CASZ1: variants seen among roughly 807,000 people sequenced by gnomAD.
The protein encoded by CASZ1 is zinc finger protein castor homolog 1.
Under a neutral mutation model 135.2 loss-of-function variants are expected in CASZ1, and 28 were observed. The observed-to-expected ratio is 0.21, with a 90% CI of 0.15 to 0.28. CASZ1 has a LOEUF of 0.28. CASZ1 is among the 10% of genes least tolerant of loss of function. The pLI is 1.00. For synonymous variants in CASZ1, 1,068 were observed against 1,073.4 expected (o/e 0.99, Z 0.10); for missense variants, 2,161 against 2,453.3 (o/e 0.88, Z 2.52).
rs895541677 is a variant in CASZ1, at chr1:10,701,284, C to T, written c.-24+4208G>A. 1.3e-5 allele frequency among the ~76,000 whole-genome samples: 2 copies of T among 152,140 alleles called. No individual in the cohort carries two copies. Among genetic ancestry groups the T allele is most frequent in the South Asian group, 2.1e-4 (1 of 4,828 alleles). On this transcript the variant is annotated intron_variant, in intron 3 of 20. Transcript: ENST00000377022. This position sits in a 1 kb window ranked among gnomAD's most constrained non-coding sequence, Gnocchi z 6.3. ...CCACCGTGGCAGCCGGGTTCCCGTGCGCACTCTCCCTGTCTCGCAGACACT... is the reference window on the plus strand; with the variant it reads ...CCACCGTGGCAGCCGGGTTCCCGTGTGCACTCTCCCTGTCTCGCAGACACT...
intron 11 of CASZ1, 116 bp from the exon 12 acceptor site, chr1:10,651,192 T>A (rs1305881619): frequency 2.6e-6 from 2 of 763,292 alleles, no homozygotes; most frequent in African/African-American, 3.7e-5. Context: ...CGGCTACTGG[T>A]CAGCGCTTCT....
In CASZ1 at chr1:10,709,544, C is replaced by T. The variant is rs1280884854; in HGVS notation, c.-76-4000G>A. Among the ~76,000 whole-genome samples, 1 of 151,984 alleles carries T rather than the reference C, an allele frequency of 6.6e-6. No homozygotes were observed. Among genetic ancestry groups the T allele is most frequent in the Admixed American group, 6.5e-5 (1 of 15,278 alleles). On this transcript the variant is annotated intron_variant, in intron 2 of 20. Coordinates refer to ENST00000377022, the MANE Select transcript of CASZ1 (RefSeq NM_001079843.3). This position sits in a 1 kb window ranked among gnomAD's most constrained non-coding sequence, Gnocchi z 5.1. ...CAGGCGTGACAAAACCTATTTTCTGCCTCAAATTTGATTGATTAAAAAACT... is the reference window on the plus strand; with the variant it reads ...CAGGCGTGACAAAACCTATTTTCTGTCTCAAATTTGATTGATTAAAAAACT...
Position 10,671,465 on chromosome 1 carries a change from G to A in CASZ1, c.17-5894C>T, listed in dbSNP as rs79744713. Among the ~76,000 whole-genome samples the A allele has an allele frequency of 1.8e-4, 27 of 152,342 alleles. No individual in the cohort carries two copies. The East Asian group carries it at 4.4e-3, about 25-fold the overall frequency. ...CCTGCAGCCATGAGGGGAGACAGAT[G>A]TGAGGGAAGGGGCTTCGGGTGAGCC... is the stretch of plus-strand genomic sequence containing the variant. On this transcript the variant is annotated intron_variant, in intron 4 of 20. Coordinates refer to ENST00000377022, the MANE Select transcript of CASZ1 (RefSeq NM_001079843.3).
chr1:10,678,232 G>A (rs1043357712), intron 4 of CASZ1, among the ~76,000 whole-genome samples: 1 of 152,250 alleles, frequency 6.6e-6, no homozygotes, highest in Non-Finnish European at 1.5e-5. Flanking sequence ...CCCTTGCTGA[G>A]GCCAGCGACG....
At chr1:10,730,586 G>C (rs1232542589) in intron 2 of CASZ1, among the ~76,000 whole-genome samples, 1 of 152,178 alleles carries the variant, frequency 6.6e-6, no homozygotes, top group African/African-American at 2.4e-5. Flanking sequence ...TGATTTTTCA[G>C]ATTTGAGTGT....
intron 4 of CASZ1, among the ~76,000 whole-genome samples, chr1:10,685,251 G>A (rs1638548365): frequency 6.6e-6 from 1 of 152,228 alleles, no homozygotes; most frequent in African/African-American, 2.4e-5. Flanking sequence ...CTAGAGGGGA[G>A]TCTGGGGAGA....
At chr1:10,744,401 G>A (rs55724327) in intron 2 of CASZ1, among the ~76,000 whole-genome samples, 6 of 126,340 alleles carry the variant, frequency 4.7e-5, no homozygotes, top group Non-Finnish European at 8.4e-5. Context: ...TGGGCACCAC[G>A]AGCAGGCATG....
intron 2 of CASZ1, among the ~76,000 whole-genome samples, chr1:10,736,581 C>T (rs142893436): frequency 6.6e-6 from 1 of 152,316 alleles, no homozygotes; most frequent in Non-Finnish European, 1.5e-5. Context: ...ACATGGAGTC[C>T]AGCAAAGCGT....
intron 4 of CASZ1, among the ~76,000 whole-genome samples, chr1:10,693,436 C>T (rs72641469): frequency 0.032 from 4,774 of 148,812 alleles, 147 homozygotes; most frequent in Admixed American, 0.11. Flanking sequence ...TAAACCACCC[C>T]CCACTAAAAA....
Position 10,720,974 on chromosome 1 carries a change from C to T in CASZ1, c.-76-15430G>A, listed in dbSNP as rs1639486676. On this transcript the variant is annotated intron_variant, in intron 2 of 20. Transcript: ENST00000377022. This position sits in a 1 kb window ranked among gnomAD's most constrained non-coding sequence, Gnocchi z 5.7. ...GGGAAGTTCACCCTGCTCAGGGCCA[C>T]AACCGGCTCTGGAGGGAGGGATTTA... Among the ~76,000 whole-genome samples, 1 of 152,194 alleles carries T rather than the reference C, an allele frequency of 6.6e-6. No individual in the cohort carries two copies. Among genetic ancestry groups the T allele is most frequent in the Middle Eastern group, 3.2e-3 (1 of 316 alleles).
chr1:10,694,146 ACT>A lies in CASZ1; in HGVS notation c.-23-236_-23-235del, dbSNP rs910971088. The stretch of plus-strand genomic sequence containing the variant: ...CTGAGTTTCTCCAACTAAGGCAGCA[ACT>A]CTCGGCCGGCGCGGCCCCGGCTTGG... On this transcript the variant is annotated intron_variant, in intron 3 of 20. Transcript: ENST00000377022. This position sits in a 1 kb window ranked among gnomAD's most constrained non-coding sequence, Gnocchi z 6.6. Among the ~76,000 whole-genome samples the A allele has an allele frequency of 1.4e-4, 21 of 149,600 alleles. No homozygotes were observed. The highest frequency in any genetic ancestry group is 2.8e-4 in the Non-Finnish European group (19 of 67,234).
intron 3 of CASZ1, among the ~76,000 whole-genome samples, chr1:10,705,018 G>GGGGT (rs1201452939): frequency 2.6e-5 from 4 of 152,366 alleles, no homozygotes; most frequent in Middle Eastern, 3.4e-3. Context: ...GAAGCCACTA[G>GGGGT]GGGTGGCACA....
intron 1 of CASZ1, among the ~76,000 whole-genome samples, chr1:10,766,844 G>A (rs534163458): frequency 6.6e-6 from 1 of 152,322 alleles, no homozygotes; most frequent in South Asian, 2.1e-4. Flanking sequence ...CGAGTGGAGG[G>A]TTGAAGAACT....
At chr1:10,642,030 A>G (rs1642215989) in intron 20 of CASZ1, 2 of 152,362 alleles carry the variant, frequency 1.3e-5, no homozygotes, top group African/African-American at 4.8e-5. Context: ...TACCTGCAGC[A>G]TCCTGAACTA....
intron 1 of CASZ1, among the ~76,000 whole-genome samples, chr1:10,768,381 C>A (rs1640516819): frequency 6.6e-6 from 1 of 152,118 alleles, no homozygotes; most frequent in Non-Finnish European, 1.5e-5. Flanking sequence ...CCATGCCTGG[C>A]TAATTTTTGT....
At chr1:10,640,894 G>C (rs180922826) in intron 20 of CASZ1, among the ~76,000 whole-genome samples, 1 of 152,192 alleles carries the variant, frequency 6.6e-6, no homozygotes, top group African/African-American at 2.4e-5. Context: ...GGAGGTACCT[G>C]TGCCCCTATG....
chr1:10,691,344 G>A (rs1383092515), intron 4 of CASZ1, among the ~76,000 whole-genome samples: 1 of 152,130 alleles, frequency 6.6e-6, no homozygotes, highest in Admixed American at 6.5e-5. Flanking sequence ...GGGGAAAGGG[G>A]GTCCACATGG....
At chr1:10,770,566 T>G (rs1570578183) in intron 1 of CASZ1, among the ~76,000 whole-genome samples, 1 of 151,746 alleles carries the variant, frequency 6.6e-6, no homozygotes, top group African/African-American at 2.4e-5. Context: ...TGCGGGGTGG[T>G]GAAAGGAGCC....
At chr1:10,684,547 G>A (rs888641115) in intron 4 of CASZ1, among the ~76,000 whole-genome samples, 4 of 152,224 alleles carry the variant, frequency 2.6e-5, no homozygotes, top group African/African-American at 9.7e-5. Context: ...GTGGGACCAT[G>A]TCAAGTAGCC....
Sources: gnomAD v4.1 joint callset for allele counts (sites outside exome capture counted in the v4.1 genomes callset) on GRCh38, gnomAD v4.1.1 for gene constraint, Gnocchi (gnomAD v3.1) non-coding constraint, MANE v1.5 for transcripts, NCBI Gene and HGNC (gene_info 2026-07-23, HGNC 2026-07-21) for gene names.